The following RAVER2 variants were observed in gnomAD, a reference collection of about 807,000 sequenced individuals.
The protein encoded by RAVER2 is ribonucleoprotein, PTB binding 2, also known as ribonucleoprotein PTB-binding 2.
In RAVER2, 46 loss-of-function variants were observed where a neutral mutation model predicts 78.1. The ratio of observed to expected loss-of-function variants is 0.59; its 90% CI spans 0.46 to 0.75. The LOEUF is 0.75. Among genes scored for constraint, RAVER2 ranks in the 30% least tolerant of loss-of-function variants. The pLI is 0.00. For missense variants in RAVER2, 793 were observed against 837.5 expected (o/e 0.95, Z 0.66); for synonymous variants, 311 against 313.3 (o/e 0.99, Z 0.08).
intron 9 of RAVER2, among the ~76,000 whole-genome samples, chr1:64,809,489 AAAATAAATAAAT>A (rs10691863): frequency 7.5e-5 from 11 of 147,358 alleles, no homozygotes; most frequent in African/African-American, 1.7e-4. Flanking sequence ...CTCTAGTGCA[AAAATAAATAAAT>A]AAATAAATAA....
chr1:64,778,165 AATTTATCATACCTGTGTG>A, intron 3 of RAVER2, 73 bp downstream of exon 3: 2 of 1,070,024 alleles, frequency 1.9e-6, no homozygotes, highest in South Asian at 3.5e-5. Context: ...TACACTCACA[AATTTATCATACCTGTGTG>A]ATTAACACAA....
In RAVER2 at chr1:64,763,917, TACACACAC is replaced by T. The variant is rs58298918; in HGVS notation, c.250-4708_250-4701del. On this transcript the variant is annotated intron_variant, in intron 1 of 11. Transcript: ENST00000294428. ...AAACTCCATCTCAAAAAAACAAAAA[TACACACAC>T]ACACACACACACACACACACACACA... Among the ~76,000 whole-genome samples, 803 of 133,806 alleles carry T rather than the reference TACACACAC, an allele frequency of 6.0e-3. 6 individuals are homozygous for T. The highest frequency in any genetic ancestry group is 0.019 in the African/African-American group (683 of 36,486). The allele number at this position is 133,806 out of a possible 152,430, so 87.8% of individuals were successfully genotyped here.
intron 2 of RAVER2, among the ~76,000 whole-genome samples, chr1:64,776,021 A>AG (rs1557589616): frequency 6.9e-6 from 1 of 145,850 alleles, no homozygotes; most frequent in African/African-American, 2.5e-5. Context: ...TCTTGTCTCA[A>AG]AAAAAAAAAA....
intron 1 of RAVER2, among the ~76,000 whole-genome samples, chr1:64,759,441 G>A (rs1384567197): frequency 1.3e-5 from 2 of 150,908 alleles, no homozygotes; most frequent in South Asian, 2.1e-4. Context: ...GAATGGTTTC[G>A]ATCTCCTGCC....
Position 64,745,308 on chromosome 1 carries a change from C to G in RAVER2, c.136C>G (p.Pro46Ala). 1 of 1,509,292 alleles carries G rather than the reference C, an allele frequency of 6.6e-7. No homozygotes were observed. 93.5% of individuals were successfully genotyped at this position (1,509,292 alleles called of 1,614,324 possible). A position where few individuals can be genotyped will look rare whatever the true frequency, so the allele number is the denominator to read the frequency against. ...GCACGAGGGCGCCCCGGACCCGATG[C>G]CCGCCGCGCTGCACCCTGAGGAGGT... is the stretch of plus-strand genomic sequence containing the variant. The change falls in exon 1 of 12, where the codon CCC (proline) becomes GCC (alanine). Residue 46 changes from proline (P) to alanine (A), a missense_variant. Coordinates refer to ENST00000294428, the Ensembl canonical transcript of RAVER2. The surrounding 1 kb of genome is among the most constrained non-coding windows in gnomAD (Gnocchi z 4.3).
intron 6 of RAVER2, among the ~76,000 whole-genome samples, chr1:64,804,246 C>T (rs571296569): frequency 2.0e-5 from 3 of 152,260 alleles, no homozygotes; most frequent in East Asian, 3.9e-4. Context: ...AGCATTCCTC[C>T]ACTATTTGTT....
chr1:64,777,637 T>C (rs1652502547), exon 3 of RAVER2: 1 of 1,608,542 alleles, frequency 6.2e-7, no homozygotes, highest in Non-Finnish European at 8.5e-7. Flanking sequence ...TGTTACCTTA[T>C]TGAATGGGGA....
chr1:64,745,799 C>T lies in RAVER2; in HGVS notation c.249+378C>T, dbSNP rs1035751526. On this transcript the variant is annotated intron_variant, in intron 1 of 11. Coordinates refer to ENST00000294428, the Ensembl canonical transcript of RAVER2. This position sits in a 1 kb window ranked among gnomAD's most constrained non-coding sequence, Gnocchi z 4.3. ...GGGGGGGAGCGGGGGTAGAGGGGGC[C>T]GAAGCTTCGGGAGCACCTTGGCAGG... Among the ~76,000 whole-genome samples the T allele has an allele frequency of 6.6e-6, 1 of 151,312 alleles. No homozygotes were observed. The highest frequency in any genetic ancestry group is 1.5e-5 in the Non-Finnish European group (1 of 67,848).
At chr1:64,757,469 G>A (rs149568733) in intron 1 of RAVER2, among the ~76,000 whole-genome samples, 1,943 of 152,262 alleles carry the variant, frequency 0.013, 26 homozygotes, top group Non-Finnish European at 0.018. Context: ...CCAAGGAAAG[G>A]CCATGTGAGG....
chr1:64,809,490 A>C (rs1306341869), intron 9 of RAVER2, among the ~76,000 whole-genome samples: 2 of 49,568 alleles, frequency 4.0e-5, no homozygotes, highest in African/African-American at 2.1e-4. Context: ...TCTAGTGCAA[A>C]AATAAATAAA....
At chr1:64,812,797 T>C (rs780664259) in exon 10 of RAVER2, 10 of 1,612,208 alleles carry the variant, frequency 6.2e-6, no homozygotes, top group Non-Finnish European at 8.5e-6. Context: ...TTCGGCTCAG[T>C]AAAAATCCAT....
chr1:64,767,375 CAGAT>C (rs977902581), intron 1 of RAVER2, among the ~76,000 whole-genome samples: 3 of 151,984 alleles, frequency 2.0e-5, no homozygotes, highest in Admixed American at 6.6e-5. Flanking sequence ...TGGAGCCAGA[CAGAT>C]AGAGTGAATC....
intron 2 of RAVER2, among the ~76,000 whole-genome samples, chr1:64,775,019 T>C (rs999798917): frequency 2.6e-5 from 4 of 152,344 alleles, no homozygotes; most frequent in Non-Finnish European, 4.4e-5. Context: ...TTTTCCCACA[T>C]TGATTTTGTA....
chr1:64,780,569 T>A (rs181922473), intron 3 of RAVER2, among the ~76,000 whole-genome samples: 5 of 152,330 alleles, frequency 3.3e-5, no homozygotes, highest in Admixed American at 3.3e-4. Flanking sequence ...TGGAAATGTG[T>A]CTTCTCAAAG....
At chr1:64,754,024 C>T (rs72675410) in intron 1 of RAVER2, among the ~76,000 whole-genome samples, 2,996 of 152,218 alleles carry the variant, frequency 0.02, 46 homozygotes, top group Non-Finnish European at 0.03. Context: ...GAACAAATTT[C>T]TCTTTCCTCT....
chr1:64,799,633 G>A (rs1653203488), intron 5 of RAVER2, among the ~76,000 whole-genome samples: 1 of 152,018 alleles, frequency 6.6e-6, no homozygotes, highest in African/African-American at 2.4e-5. Context: ...AGTAGAGACG[G>A]TTTCGCCATG....
intron 9 of RAVER2, 54 bp downstream of exon 9, chr1:64,807,528 AT>A (rs1653478642): frequency 2.1e-5 from 31 of 1,443,612 alleles, no homozygotes; most frequent in Non-Finnish European, 2.9e-5. Flanking sequence ...ATGTATATAT[AT>A]TCCTTTTAAA....
intron 1 of RAVER2, among the ~76,000 whole-genome samples, chr1:64,751,876 A>G (rs1651708107): frequency 6.6e-6 from 1 of 152,182 alleles, no homozygotes; most frequent in African/African-American, 2.4e-5. Flanking sequence ...TTATTTATAT[A>G]TTTTTAAATC....
intron 9 of RAVER2, among the ~76,000 whole-genome samples, chr1:64,807,705 CTTAA>C (rs1392755542): frequency 2.0e-5 from 3 of 152,104 alleles, no homozygotes; most frequent in Non-Finnish European, 4.4e-5. Context: ...TTGGGACTAT[CTTAA>C]TTATTTGCCA....
Sources: allele counts gnomAD v4.1 joint callset (sites outside exome capture counted in the v4.1 genomes callset), GRCh38; gene constraint gnomAD v4.1.1; non-coding constraint Gnocchi (gnomAD v3.1); transcripts MANE v1.5; gene names NCBI Gene and HGNC (gene_info 2026-07-23, HGNC 2026-07-21).